POLR3G: variants seen among roughly 807,000 people sequenced by gnomAD.
POLR3G encodes DNA-directed RNA polymerase III subunit RPC7.
In POLR3G, 28 loss-of-function variants were observed where a neutral mutation model predicts 30.1. The observed-to-expected ratio is 0.93, with a 90% confidence interval of 0.69 to 1.27. The LOEUF is 1.27. Ranked by LOEUF, POLR3G falls within the 50% of genes most tolerant of loss-of-function variation. The pLI is 0.00. For missense variants in POLR3G, 254 were observed against 264.6 expected, an observed-to-expected ratio of 0.96 and a Z score of 0.28; for synonymous variants, 79 against 82.5, an observed-to-expected ratio of 0.96 and a Z score of 0.23.
intron 1 of POLR3G, among the ~76,000 whole-genome samples, chr5:90,475,256 A>T (rs1368489731): frequency 6.6e-6 from 1 of 152,094 alleles, no homozygotes; most frequent in Non-Finnish European, 1.5e-5. Context: ...GTTTGCAGTG[A>T]GTTAGAAGGG....
rs548495698 is a variant in POLR3G, at chr5:90,479,434, A to G, written c.-44+4414A>G. 2.1e-3 allele frequency among the ~76,000 whole-genome samples: 324 copies of G among 152,174 alleles called. 3 individuals are homozygous for G. Among genetic ancestry groups the G allele is most frequent in the Admixed American group, 6.6e-3 (101 of 15,266 alleles). On this transcript the variant is annotated intron_variant, in intron 1 of 7. Transcript: ENST00000651687. ...GTTGCAGTGAGCCGAGATCGCACCA[A>G]TGCACTCCAGCCTGGGCGACAGAGC... is the stretch of plus-strand genomic sequence containing the variant.
At chr5:90,502,861 C>G (rs1752318942) in intron 6 of POLR3G, among the ~76,000 whole-genome samples, 1 of 147,770 alleles carries the variant, frequency 6.8e-6, no homozygotes, top group South Asian at 2.1e-4. Flanking sequence ...AATTAATATC[C>G]TACATAATTG....
intron 3 of POLR3G, among the ~76,000 whole-genome samples, chr5:90,494,944 AAAG>A (rs2151908737): frequency 6.6e-6 from 1 of 152,354 alleles, no homozygotes; most frequent in Admixed American, 6.5e-5. Context: ...AAATTCTTAA[AAAG>A]AAGTCATTGT....
chr5:90,488,157 G>A, intron 3 of POLR3G, 28 bp downstream of exon 3: 3 of 1,559,894 alleles, frequency 1.9e-6, no homozygotes, highest in Admixed American at 1.9e-5. Flanking sequence ...TTGATTATGT[G>A]GCTTAATGTA....
chr5:90,491,888 C>T (rs1355415150), intron 3 of POLR3G, among the ~76,000 whole-genome samples: 2 of 152,102 alleles, frequency 1.3e-5, no homozygotes, highest in Non-Finnish European at 2.9e-5. Flanking sequence ...ATTATGTCAT[C>T]ATATAGTTTT....
At chr5:90,500,085 C>CA (rs548516980) in intron 5 of POLR3G, among the ~76,000 whole-genome samples, 217 of 152,250 alleles carry the variant, frequency 1.4e-3, no homozygotes, top group South Asian at 2.3e-3. Context: ...TAAAAGCTCC[C>CA]AAAGTGTCAG....
rs550150947 is a variant in POLR3G, at chr5:90,495,847, C to G, written c.304+114C>G. 3.7e-5 allele frequency: 48 copies of G among 1,309,878 alleles called. No homozygotes were observed. The Admixed American group carries it at 1.4e-3, about 39-fold the overall frequency. 81.1% of individuals were successfully genotyped at this position (1,309,878 alleles called of 1,614,324 possible). On this transcript the variant is annotated intron_variant, in intron 4 of 7. Transcript: ENST00000651687. ...TACCATAGGAAAACTGAGTCTGGTT[C>G]TTTTATTGTGATTAATTAGTAATCT...
At chr5:90,473,963 G>A (rs1344634375), upstream of POLR3G, 6 of 1,599,072 alleles carry the variant, frequency 3.8e-6, no homozygotes, top group African/African-American at 5.3e-5. Context: ...AGTTGTCCCC[G>A]CGAGCCAGCG....
At chr5:90,502,230 T>C in intron 6 of POLR3G, 1 of 984,422 alleles carries the variant, frequency 1.0e-6, no homozygotes, top group Non-Finnish European at 1.2e-6. Flanking sequence ...GTCACCTCTT[T>C]CTTTTTCACT....
intron 3 of POLR3G, among the ~76,000 whole-genome samples, chr5:90,493,801 G>A (rs1212649164): frequency 2.2e-5 from 3 of 139,020 alleles, no homozygotes; most frequent in Admixed American, 8.0e-5. Context: ...TCCACCTCCT[G>A]GATTCAAGTG....
intron 1 of POLR3G, among the ~76,000 whole-genome samples, chr5:90,478,649 C>T (rs868443626): frequency 3.5e-5 from 5 of 141,668 alleles, no homozygotes; most frequent in African/African-American, 1.1e-4. Context: ...CTCCACCTCC[C>T]GGGTTCAAGT....
intron 6 of POLR3G, among the ~76,000 whole-genome samples, chr5:90,504,183 T>C (rs556824583): frequency 5.2e-4 from 79 of 152,274 alleles, no homozygotes; most frequent in African/African-American, 1.9e-3. Context: ...ATGAGGATTT[T>C]TTTTTTTAAA....
At chr5:90,492,623 C>T (rs1197273635) in intron 3 of POLR3G, among the ~76,000 whole-genome samples, 2 of 152,142 alleles carry the variant, frequency 1.3e-5, no homozygotes, top group South Asian at 4.1e-4. Flanking sequence ...TGGCTCACCC[C>T]TGTAATCCCA....
chr5:90,507,395 T>G (rs1752535822), intron 7 of POLR3G, among the ~76,000 whole-genome samples: 1 of 152,206 alleles, frequency 6.6e-6, no homozygotes. Context: ...TATGAAATCT[T>G]TACTATAATT....
Position 90,501,685 on chromosome 5 carries a change from T to TA in POLR3G, c.356-210dup, listed in dbSNP as rs562671305. The stretch of plus-strand genomic sequence containing the variant: ...TAAAAAATATAGTTAACTTCAGTCT[T>TA]AAAAAAAAAAATCCTACTACGTGAT... On this transcript the variant is annotated intron_variant, in intron 5 of 7. Coordinates refer to ENST00000651687, the MANE Select transcript of POLR3G (RefSeq NM_006467.3). Among the ~76,000 whole-genome samples, 71 of 148,338 alleles carry TA rather than the reference T, an allele frequency of 4.8e-4. 1 individual carries two copies. The South Asian group carries it at 7.9e-3, about 16-fold the overall frequency.
Position 90,513,299 on chromosome 5 carries a change from TAG to T in POLR3G, c.*1162_*1163del, listed in dbSNP as rs1292395036. 2 of 152,638 alleles carry T rather than the reference TAG, an allele frequency of 1.3e-5. No homozygotes were observed. Among genetic ancestry groups the T allele is most frequent in the Non-Finnish European group, 2.9e-5 (2 of 68,002 alleles). The allele number at this position is 152,638 out of a possible 1,614,324, so 9.5% of individuals were successfully genotyped here. ...TCCTCTAATATGAGAATCAGATCCC[TAG>T]ATTCTATTTCTACCTATACTATTAA... On this transcript the variant is annotated 3_prime_UTR_variant, in exon 8 of 8. Coordinates refer to ENST00000651687, the MANE Select transcript of POLR3G (RefSeq NM_006467.3).
intron 1 of POLR3G, among the ~76,000 whole-genome samples, chr5:90,482,058 C>T (rs1168907943): frequency 6.6e-6 from 1 of 152,072 alleles, no homozygotes; most frequent in Non-Finnish European, 1.5e-5. Flanking sequence ...CCAAAAAAGG[C>T]ATAGACTTGT....
rs540484318 is a variant in POLR3G, at chr5:90,501,825, G to A, written c.356-81G>A. The A allele has an allele frequency of 2.4e-5, 37 of 1,516,480 alleles. No homozygotes were observed. In the South Asian group the frequency reaches 4.0e-4, roughly 16 times the overall value. The allele number at this position is 1,516,480 out of a possible 1,614,324, so 93.9% of individuals were successfully genotyped here. Reference sequence around the variant, plus strand: ...GCCTAGGATGCAGTAGCACGATGCTGGACAGCATACGCAAAGACAAGGAAA... The same window carrying A: ...GCCTAGGATGCAGTAGCACGATGCTAGACAGCATACGCAAAGACAAGGAAA... On this transcript the variant is annotated intron_variant, in intron 5 of 7. Coordinates refer to ENST00000651687, the MANE Select transcript of POLR3G (RefSeq NM_006467.3).
rs961555148 is a variant in POLR3G at position 90,496,173 on chromosome 5, G to T, written c.304+440G>T. 3.3e-5 allele frequency among the ~76,000 whole-genome samples: 5 copies of T among 151,930 alleles called. 1 individual carries two copies. The East Asian group carries it at 7.7e-4, about 24-fold the overall frequency. ...TTTTTAGTAGAGACGGAGTTTCACC[G>T]TGTTCGCCAGAATGGTCTTGATCTG... On this transcript the variant is annotated intron_variant, in intron 4 of 7. Transcript: ENST00000651687.
Sources: allele counts gnomAD v4.1 joint callset (sites outside exome capture counted in the v4.1 genomes callset), GRCh38; gene constraint gnomAD v4.1.1; transcripts MANE v1.5; gene names NCBI Gene and HGNC (gene_info 2026-07-23, HGNC 2026-07-21).